Variants in KIF26B observed in about 807,000 individuals in gnomAD.
KIF26B encodes kinesin-like protein KIF26B.
In KIF26B, 63 loss-of-function variants were observed where a neutral mutation model predicts 151.2. The observed-to-expected ratio is 0.42, with a 90% CI of 0.34 to 0.51. The LOEUF (loss-of-function observed/expected upper bound fraction) is 0.51. Ranked by LOEUF, KIF26B falls within the 20% of genes least tolerant of loss-of-function variation. The probability of loss-of-function intolerance (pLI) is 0.07; values close to 1 mark genes in which losing one functional copy is unlikely to be tolerated. For synonymous variants in KIF26B, 1,357 were observed against 1,262.1 expected (o/e 1.08, Z -1.59); for missense variants, 2,813 against 2,913.6 (o/e 0.97, Z 0.79).
chr1:245,663,380 A>G (rs2044178740), intron 10 of KIF26B, among the ~76,000 whole-genome samples: 1 of 80,416 alleles, frequency 1.2e-5, no homozygotes, highest in Non-Finnish European at 2.8e-5. Context: ...AAATTTTGTC[A>G]TTTGTGATCA....
chr1:245,293,083 G>T (rs55876937), intron 2 of KIF26B, among the ~76,000 whole-genome samples: 8,514 of 152,212 alleles, frequency 0.056, 353 homozygotes, highest in African/African-American at 0.11. Flanking sequence ...AAATGTAATT[G>T]AGAGAGGCTT....
intron 5 of KIF26B, among the ~76,000 whole-genome samples, chr1:245,593,230 G>C (rs987372675): frequency 2.0e-5 from 3 of 152,130 alleles, no homozygotes; most frequent in Non-Finnish European, 1.5e-5. Context: ...GTGCAGGTTT[G>C]TTACATAGGT....
rs540040533 is a variant in KIF26B, at chr1:245,564,622, G to A, written c.1350+23672G>A. ...AAATCCAAACTCAAGGTGTATACATGTCACCTCCCAGCACAGCAAATGGCA... is the reference window on the plus strand; with the variant it reads ...AAATCCAAACTCAAGGTGTATACATATCACCTCCCAGCACAGCAAATGGCA... On this transcript the variant is annotated intron_variant, in intron 5 of 14. Coordinates refer to ENST00000407071, the MANE Select transcript of KIF26B (RefSeq NM_018012.4). This position sits in a 1 kb window ranked among gnomAD's most constrained non-coding sequence, Gnocchi z 4.6. Among the ~76,000 whole-genome samples the A allele has an allele frequency of 1.1e-4, 17 of 152,244 alleles. No individual in the cohort carries two copies. The highest frequency in any genetic ancestry group is 3.9e-4 in the African/African-American group (16 of 41,554).
chr1:245,316,559 G>A (rs1464883231), intron 2 of KIF26B, among the ~76,000 whole-genome samples: 3 of 151,556 alleles, frequency 2.0e-5, no homozygotes, highest in African/African-American at 4.9e-5. Flanking sequence ...ATCATCATCG[G>A]CCTCTTTTAT....
chr1:245,354,311 G>C (rs1249721742), intron 2 of KIF26B, among the ~76,000 whole-genome samples: 1 of 152,124 alleles, frequency 6.6e-6, no homozygotes, highest in African/African-American at 2.4e-5. Context: ...CCGGCCAGAG[G>C]CTTGAAGTGA....
chr1:245,236,610 T>C (rs1311784591), intron 2 of KIF26B, among the ~76,000 whole-genome samples: 1 of 152,254 alleles, frequency 6.6e-6, no homozygotes, highest in Non-Finnish European at 1.5e-5. Flanking sequence ...GTTTGGTATG[T>C]TGTATTTTCT....
intron 3 of KIF26B, among the ~76,000 whole-genome samples, chr1:245,378,014 A>T (rs1471569048): frequency 6.6e-6 from 1 of 152,172 alleles, no homozygotes; most frequent in Admixed American, 6.5e-5. Flanking sequence ...AACTTACAGA[A>T]TACCTTGTAA....
intron 2 of KIF26B, among the ~76,000 whole-genome samples, chr1:245,220,889 G>A (rs1669753267): frequency 6.6e-6 from 1 of 152,220 alleles, no homozygotes; most frequent in Admixed American, 6.5e-5. Context: ...CGGCTCCACT[G>A]TCCTCAGTTT....
chr1:245,180,943 A>G (rs994665338), intron 2 of KIF26B, among the ~76,000 whole-genome samples: 3 of 151,966 alleles, frequency 2.0e-5, no homozygotes, highest in Admixed American at 6.6e-5. Context: ...CAGGATTCCT[A>G]TTCTCTTTTG....
At chr1:245,196,728 C>T (rs750574755) in intron 2 of KIF26B, among the ~76,000 whole-genome samples, 5 of 152,134 alleles carry the variant, frequency 3.3e-5, no homozygotes, top group Non-Finnish European at 5.9e-5. Flanking sequence ...TCCTTGGCTC[C>T]TACCAAAATC....
chr1:245,484,711 T>C (rs902427581), intron 4 of KIF26B, among the ~76,000 whole-genome samples: 1 of 151,518 alleles, frequency 6.6e-6, no homozygotes. Flanking sequence ...CTTCTCCTTC[T>C]TCTTTCTTCT....
At chr1:245,449,238 G>A (rs558055391) in intron 4 of KIF26B, among the ~76,000 whole-genome samples, 14 of 152,298 alleles carry the variant, frequency 9.2e-5, no homozygotes, top group East Asian at 1.9e-4. Flanking sequence ...GATCCTTGTC[G>A]TATGGAAGTG....
chr1:245,165,065 C>T (rs1341346426), intron 2 of KIF26B, among the ~76,000 whole-genome samples: 1 of 37,944 alleles, frequency 2.6e-5, no homozygotes, highest in Non-Finnish European at 9.3e-5. Context: ...TGCGAGACTC[C>T]ATCTTTAAAA....
intron 2 of KIF26B, among the ~76,000 whole-genome samples, chr1:245,226,373 C>T (rs1221258144): frequency 6.6e-6 from 1 of 152,188 alleles, no homozygotes; most frequent in Non-Finnish European, 1.5e-5. Flanking sequence ...GTCTTTCCCA[C>T]CATCAAGGCA....
chr1:245,445,895 A>G (rs1443333826), intron 4 of KIF26B, among the ~76,000 whole-genome samples: 3 of 152,190 alleles, frequency 2.0e-5, no homozygotes, highest in Admixed American at 1.3e-4. Context: ...ATTTCTTGCA[A>G]AATTACTCTT....
At chr1:245,587,293 C>T (rs1358102823) in intron 5 of KIF26B, among the ~76,000 whole-genome samples, 4 of 152,184 alleles carry the variant, frequency 2.6e-5, no homozygotes, top group Non-Finnish European at 5.9e-5. Context: ...TTGTACTACT[C>T]TATTATGCTG....
At position 245,348,617 on chromosome 1, in the gene KIF26B, A is replaced by G. The variant is rs528156771; in HGVS notation, c.466-18217A>G. On this transcript the variant is annotated intron_variant, in intron 2 of 14. Coordinates refer to ENST00000407071, the MANE Select transcript of KIF26B (RefSeq NM_018012.4). The stretch of plus-strand genomic sequence containing the variant: ...TGTCATTCCTAATGACTCCACCCTC[A>G]TGACCTGATCACCTTCCAAAGGCTT... 5.8e-4 allele frequency among the ~76,000 whole-genome samples: 89 copies of G among 152,236 alleles called. 1 individual carries two copies. Among genetic ancestry groups the G allele is most frequent in the Middle Eastern group, 6.8e-3 (2 of 294 alleles).
chr1:245,190,274 G>A (rs577992926), intron 2 of KIF26B, among the ~76,000 whole-genome samples: 6 of 152,314 alleles, frequency 3.9e-5, no homozygotes, highest in East Asian at 1.9e-4. Context: ...ATGTTCCCCC[G>A]AGGGCTCCAC....
Position 245,516,300 on chromosome 1 carries a change from T to G in KIF26B, c.1167-24467T>G, listed in dbSNP as rs755166294. Among the ~76,000 whole-genome samples the G allele has an allele frequency of 4.3e-4, 66 of 152,220 alleles. No homozygotes were observed. The highest frequency in any genetic ancestry group is 7.8e-4 in the Non-Finnish European group (53 of 68,044). On this transcript the variant is annotated intron_variant, in intron 4 of 14. Coordinates refer to ENST00000407071, the MANE Select transcript of KIF26B (RefSeq NM_018012.4). The surrounding 1 kb of genome is among the most constrained non-coding windows in gnomAD (Gnocchi z 4.2). ...TGTTTTTCCTTCAGAAAATGCTATT[T>G]GCAGAACGGCAACAACAAAACGTGT... is the stretch of plus-strand genomic sequence containing the variant.
Sources: allele counts gnomAD v4.1 joint callset (sites outside exome capture counted in the v4.1 genomes callset), GRCh38; gene constraint gnomAD v4.1.1; non-coding constraint Gnocchi (gnomAD v3.1); transcripts MANE v1.5; gene names NCBI Gene and HGNC (gene_info 2026-07-23, HGNC 2026-07-21).